The following INO80 variants were observed in gnomAD, a reference collection of about 807,000 sequenced individuals.
INO80 encodes the protein chromatin-remodeling ATPase INO80.
INO80 carries 20 observed loss-of-function variants against 203.4 expected under a neutral mutation model. The observed-to-expected ratio is 0.10, with a 90% CI of 0.07 to 0.14. The LOEUF is 0.14. INO80 is among the 10% of genes least tolerant of loss of function. The pLI, the probability that INO80 is intolerant of heterozygous loss-of-function variation, is 1.00. For synonymous variants in INO80, 726 were observed against 685.2 expected (o/e 1.06, Z -0.93); for missense variants, 1,419 against 1,914.4 (o/e 0.74, Z 4.83).
intron 1 of INO80, among the ~76,000 whole-genome samples, chr15:41,115,662 C>A (rs2046022573): frequency 6.6e-6 from 1 of 152,220 alleles, no homozygotes. Context: ...ACCGCCCCAC[C>A]GGGTCCCACG....
rs956808199 is a variant in INO80, at chr15:41,092,162, T to A, written c.402A>T (p.Glu134Asp). ...KWLKSILLSD[E>D]SSEADSQSED... ...CACTCTGAGAATCAGCCTCGCTGGA[T>A]TCATCACTTAGCAGAATGCTCTGAA... Residue 134 changes from glutamate to aspartate, a missense_variant, in exon 5 of 36, where the codon GAA becomes GAT. This residue lies in a region of INO80 where 323 missense variants were observed against 325.4 expected (regional missense o/e 0.99). Coordinates refer to ENST00000648947, the MANE Select transcript of INO80 (RefSeq NM_017553.3). 9 of 1,605,626 alleles carry A rather than the reference T, an allele frequency of 5.6e-6. No individual in the cohort carries two copies. In the Admixed American group the frequency reaches 6.7e-5, roughly 12 times the overall value.
intron 14 of INO80, among the ~76,000 whole-genome samples, chr15:41,067,901 A>T (rs2045247887): frequency 6.6e-6 from 1 of 152,214 alleles, no homozygotes; most frequent in African/African-American, 2.4e-5. Context: ...TTTAAATTGC[A>T]AACAATAAAT....
chr15:41,037,044 A>C (rs2044587728), intron 24 of INO80, among the ~76,000 whole-genome samples: 1 of 152,166 alleles, frequency 6.6e-6, no homozygotes. Flanking sequence ...TGGAGGTTAC[A>C]GTGAGCCAAG....
chr15:41,091,894 C>T (rs112188222), intron 5 of INO80, 133 bp downstream of exon 5: 12,252 of 612,450 alleles, frequency 0.02, 599 homozygotes, highest in African/African-American at 0.13. Flanking sequence ...CCTCATGATC[C>T]GCCCGCCTCG....
intron 27 of INO80, among the ~76,000 whole-genome samples, chr15:41,015,093 G>T (rs1260846213): frequency 6.6e-6 from 1 of 152,030 alleles, no homozygotes; most frequent in East Asian, 1.9e-4. Flanking sequence ...CCTGTTTCTA[G>T]GTCTGTGACC....
chr15:41,076,438 A>G (rs1007559279), intron 9 of INO80, among the ~76,000 whole-genome samples: 6 of 151,742 alleles, frequency 4.0e-5, no homozygotes, highest in African/African-American at 1.5e-4. Context: ...ACGAATATAG[A>G]CTGAATACAC....
Position 41,032,002 on chromosome 15 carries a change from GC to G in INO80, c.2908-4267del, listed in dbSNP as rs1457870774. ...GCACAGCACAGCACAGCACAGGACA[GC>G]ACAGCACAGCACAGCACAGCACAGC... On this transcript the variant is annotated intron_variant, in intron 24 of 35. Transcript: ENST00000648947. Among the ~76,000 whole-genome samples the G allele has an allele frequency of 5.4e-3, 209 of 38,794 alleles. 4 individuals are homozygous for G. Among genetic ancestry groups the G allele is most frequent in the African/African-American group, 0.014 (202 of 14,552 alleles). 25.5% of individuals were successfully genotyped at this position (38,794 alleles called of 152,430 possible).
chr15:40,991,995 C>G (rs1166899877), intron 29 of INO80, among the ~76,000 whole-genome samples: 4 of 152,128 alleles, frequency 2.6e-5, no homozygotes, highest in Non-Finnish European at 5.9e-5. Context: ...CCAGGATGGT[C>G]TCGATCTCCT....
In INO80 at chr15:40,999,021, A is replaced by ACACACACACACACAC. The variant is rs1566904799; in HGVS notation, c.3498-1421_3498-1420insGTGTGTGTGTGTGTG. ...ACACACACACACACACACACACACA[A>ACACACACACACACAC]ATAAGGGCTCAGTTTGGTGCTTTAG... is the stretch of plus-strand genomic sequence containing the variant. On this transcript the variant is annotated intron_variant, in intron 28 of 35. Transcript: ENST00000648947. Among the ~76,000 whole-genome samples, 5 of 86,858 alleles carry ACACACACACACACAC rather than the reference A, an allele frequency of 5.8e-5. 1 individual carries two copies. Among genetic ancestry groups the ACACACACACACACAC allele is most frequent in the African/African-American group, 2.7e-4 (5 of 18,588 alleles). The allele number at this position is 86,858 out of a possible 152,430, so 57.0% of individuals were successfully genotyped here.
chr15:41,034,213 C>T (rs1447922967), intron 24 of INO80, among the ~76,000 whole-genome samples: 1 of 152,152 alleles, frequency 6.6e-6, no homozygotes, highest in Admixed American at 6.5e-5. Flanking sequence ...GATTCTGTAA[C>T]AAAAAATTCA....
intron 14 of INO80, among the ~76,000 whole-genome samples, chr15:41,066,846 C>CAAAAAAAAAAAAAAAAAAAAA (rs58118605): frequency 5.7e-5 from 4 of 70,604 alleles, no homozygotes; most frequent in Non-Finnish European, 6.7e-5. Flanking sequence ...AAAAAAAAAG[C>CAAAAAAAAAAAAAAAAAAAAA]AAAAAAAAAA....
In INO80 at chr15:40,985,391, C is replaced by G; in HGVS notation, c.3868G>C (p.Glu1290Gln). 6.2e-7 allele frequency: 1 copy of G among 1,614,052 alleles called. No individual in the cohort carries two copies. The change falls in exon 32 of 36, where the codon GAA becomes CAA. Residue 1290 changes from glutamate to glutamine, a missense_variant. Glu to Gln is a conservative substitution (Grantham distance 29). Around this residue, in one of 9 missense-constraint regions of INO80, gnomAD observed 214 missense variants for 248.9 expected, o/e 0.86. Coordinates refer to ENST00000648947, the MANE Select transcript of INO80 (RefSeq NM_017553.3). Reference protein sequence around the residue: ...LRQEEKRQQEETNRVKERKRK... With the variant: ...LRQEEKRQQEQTNRVKERKRK... ...TTGCGCTCTTTCACTCGGTTGGTTT[C>G]CTCCTGTTGCCGTTTCTCTTCCTGC...
chr15:41,067,585 T>C (rs1172768425), intron 14 of INO80, among the ~76,000 whole-genome samples: 1 of 152,194 alleles, frequency 6.6e-6, no homozygotes, highest in African/African-American at 2.4e-5. Context: ...ACACTCCTTA[T>C]ACAGTTTCTA....
intron 1 of INO80, among the ~76,000 whole-genome samples, chr15:41,107,159 G>T (rs1433816165): frequency 6.6e-6 from 1 of 152,180 alleles, no homozygotes; most frequent in Non-Finnish European, 1.5e-5. Context: ...TGCCTGAAAG[G>T]CCTTGACCTC....
At chr15:40,982,825 C>G in intron 35 of INO80, 37 bp downstream of exon 35, 1 of 1,539,338 alleles carries the variant, frequency 6.5e-7, no homozygotes, top group Non-Finnish European at 8.9e-7. Flanking sequence ...CTGTCTCTGA[C>G]CAGAACAAAG....
chr15:40,981,130 A>G (rs1480131791), intron 35 of INO80, among the ~76,000 whole-genome samples: 1 of 152,180 alleles, frequency 6.6e-6, no homozygotes, highest in Non-Finnish European at 1.5e-5. Flanking sequence ...TACTTTCCAA[A>G]AAAGAATTCT....
intron 27 of INO80, among the ~76,000 whole-genome samples, chr15:41,010,010 G>C (rs550453817): frequency 6.6e-6 from 1 of 152,276 alleles, no homozygotes; most frequent in African/African-American, 2.4e-5. Flanking sequence ...CTGATAAAGA[G>C]TGGCCATCTC....
At chr15:41,078,246 T>A (rs2045434810) in intron 9 of INO80, among the ~76,000 whole-genome samples, 1 of 152,086 alleles carries the variant, frequency 6.6e-6, no homozygotes. Flanking sequence ...TATGATTAAA[T>A]GAACGAAGTA....
Position 41,021,161 on chromosome 15 carries a change from C to T in INO80, c.3049-36G>A, listed in dbSNP as rs749220831. 8 of 1,446,534 alleles carry T rather than the reference C, an allele frequency of 5.5e-6. No homozygotes were observed. In the African/African-American group the frequency reaches 7.0e-5, roughly 13 times the overall value. 89.6% of individuals were successfully genotyped at this position (1,446,534 alleles called of 1,614,324 possible). On this transcript the variant is annotated intron_variant, in intron 25 of 35. Transcript: ENST00000648947. ...AGATTCACATGAGATGGCTCTTTCACGTTGTCCATACACACTATGCCTTTT... is the reference window on the plus strand; with the variant it reads ...AGATTCACATGAGATGGCTCTTTCATGTTGTCCATACACACTATGCCTTTT...
Sources: gnomAD v4.1 joint callset for allele counts (sites outside exome capture counted in the v4.1 genomes callset) on GRCh38, gnomAD v4.1.1 for gene constraint, gnomAD v4.1.1 regional missense constraint, MANE v1.5 for transcripts, NCBI Gene and HGNC (gene_info 2026-07-23, HGNC 2026-07-21) for gene names.